Variants in CMSS1 observed in about 807,000 individuals in gnomAD.
CMSS1 encodes cms1 ribosomal small subunit homolog.
Under a neutral mutation model 43.5 loss-of-function variants are expected in CMSS1, and 33 were observed. The ratio of observed to expected loss-of-function variants is 0.76; its 90% CI spans 0.57 to 1.01. The LOEUF (loss-of-function observed/expected upper bound fraction) is 1.01, where lower values mean the gene tolerates loss of function less well. Ranked by LOEUF, CMSS1 falls within the 50% of genes least tolerant of loss-of-function variation. The probability of loss-of-function intolerance (pLI) is 0.00; values close to 1 mark genes in which losing one functional copy is unlikely to be tolerated. For synonymous variants in CMSS1, 115 were observed against 117.2 expected (o/e 0.98, Z 0.12); for missense variants, 313 against 326.4 (o/e 0.96, Z 0.32).
At chr3:99,851,610 G>A (rs1460237972) in intron 1 of CMSS1, among the ~76,000 whole-genome samples, 1 of 152,164 alleles carries the variant, frequency 6.6e-6, no homozygotes, top group East Asian at 1.9e-4. Flanking sequence ...TAAGCATTTG[G>A]TATTAGTTGT....
At chr3:100,063,895 T>C (rs1337787130) in intron 1 of CMSS1, among the ~76,000 whole-genome samples, 2 of 152,206 alleles carry the variant, frequency 1.3e-5, no homozygotes, top group Admixed American at 6.5e-5. Context: ...AAAAACCTAA[T>C]CAAATGTTAA....
At chr3:99,927,022 C>A (rs1707314631) in intron 1 of CMSS1, among the ~76,000 whole-genome samples, 1 of 152,186 alleles carries the variant, frequency 6.6e-6, no homozygotes, top group Non-Finnish European at 1.5e-5. Context: ...CCATCTGAAC[C>A]TCCTGCCACC....
At chr3:100,154,322 G>A (rs534661741) in intron 2 of CMSS1, among the ~76,000 whole-genome samples, 1 of 152,028 alleles carries the variant, frequency 6.6e-6, no homozygotes, top group East Asian at 1.9e-4. Flanking sequence ...TCACATCAGA[G>A]CAGAACATGT....
chr3:100,002,058 G>T (rs1369120815), intron 1 of CMSS1, among the ~76,000 whole-genome samples: 1 of 152,168 alleles, frequency 6.6e-6, no homozygotes, highest in African/African-American at 2.4e-5. Context: ...GTGTGTGACT[G>T]TTTGCAGCTC....
chr3:99,842,568 A>G (rs1178737400), intron 1 of CMSS1, among the ~76,000 whole-genome samples: 1 of 151,576 alleles, frequency 6.6e-6, no homozygotes, highest in Admixed American at 6.6e-5. Context: ...CCATTTGGCT[A>G]TGAGGAGGAA....
At chr3:100,041,535 T>A (rs962030685) in intron 1 of CMSS1, 5 of 152,130 alleles carry the variant, frequency 3.3e-5, no homozygotes, top group Admixed American at 3.3e-4. Context: ...GGTCAAATTT[T>A]CCATTACACA....
rs971217074 is a variant in CMSS1 at position 99,924,110 on chromosome 3, G to A, written c.64+106067G>A. ...CAAACATATCCTTTTCCTCACCCTG[G>A]ACTATGAGATCTTTGAGAACAGAGA... On this transcript the variant is annotated intron_variant, in intron 1 of 9. Transcript: ENST00000421999. 4.8e-6 allele frequency: 4 copies of A among 829,286 alleles called. No individual in the cohort carries two copies. The African/African-American group carries it at 5.1e-5, about 11-fold the overall frequency. The allele number at this position is 829,286 out of a possible 1,614,324, so 51.4% of individuals were successfully genotyped here.
At chr3:99,879,528 C>T (rs1283861197) in intron 1 of CMSS1, among the ~76,000 whole-genome samples, 1 of 152,122 alleles carries the variant, frequency 6.6e-6, no homozygotes, top group Admixed American at 6.5e-5. Flanking sequence ...GTCTTCTCTC[C>T]CTGCCTTTGT....
At chr3:99,961,408 A>G (rs1708486357) in intron 1 of CMSS1, among the ~76,000 whole-genome samples, 1 of 152,148 alleles carries the variant, frequency 6.6e-6, no homozygotes, top group African/African-American at 2.4e-5. Context: ...TGTATCTACA[A>G]TGACTCTTAT....
chr3:99,837,241 G>A (rs1216854925), intron 1 of CMSS1, among the ~76,000 whole-genome samples: 1 of 152,110 alleles, frequency 6.6e-6, no homozygotes, highest in African/African-American at 2.4e-5. Context: ...TTGCCCTAAA[G>A]GAATAACTAT....
chr3:99,853,937 T>C (rs1308998291), intron 1 of CMSS1, among the ~76,000 whole-genome samples: 1 of 152,210 alleles, frequency 6.6e-6, no homozygotes, highest in Non-Finnish European at 1.5e-5. Context: ...CAGGAGGCCC[T>C]GATGGAATCT....
At chr3:99,845,103 G>A (rs1450245862) in intron 1 of CMSS1, among the ~76,000 whole-genome samples, 2 of 152,154 alleles carry the variant, frequency 1.3e-5, no homozygotes, top group South Asian at 2.1e-4. Flanking sequence ...TACAAAGAGT[G>A]TATGTAATTT....
chr3:100,083,123 A>G (rs1300957657), intron 1 of CMSS1, among the ~76,000 whole-genome samples: 2 of 152,332 alleles, frequency 1.3e-5, no homozygotes, highest in East Asian at 3.9e-4. Flanking sequence ...AGGGTCAGAC[A>G]TATTGGCAGT....
chr3:99,845,077 A>G (rs1213927752), intron 1 of CMSS1, among the ~76,000 whole-genome samples: 1 of 152,204 alleles, frequency 6.6e-6, no homozygotes, highest in Non-Finnish European at 1.5e-5. Context: ...ATTGTAAAAT[A>G]TAGTTGTGGA....
chr3:100,027,373 A>T (rs2064944052), intron 1 of CMSS1, among the ~76,000 whole-genome samples: 1 of 152,160 alleles, frequency 6.6e-6, no homozygotes, highest in Non-Finnish European at 1.5e-5. Flanking sequence ...CTTAAAAACA[A>T]TTTTTTTAAC....
At chr3:99,989,674 A>G (rs1576624471) in intron 1 of CMSS1, among the ~76,000 whole-genome samples, 2 of 142,438 alleles carry the variant, frequency 1.4e-5, no homozygotes, top group Non-Finnish European at 3.1e-5. Flanking sequence ...CTATATATAT[A>G]TATATATATA....
intron 1 of CMSS1, among the ~76,000 whole-genome samples, chr3:99,971,761 G>A (rs1408339143): frequency 6.6e-6 from 1 of 152,162 alleles, no homozygotes; most frequent in East Asian, 1.9e-4. Flanking sequence ...TCTGAAAGGA[G>A]TCCTCTCCCT....
At chr3:100,114,991 G>A in intron 1 of CMSS1, 1 of 1,523,192 alleles carries the variant, frequency 6.6e-7, no homozygotes, top group Non-Finnish European at 8.8e-7. Context: ...ACATCGGAAT[G>A]CATGGTGGTA....
Position 99,874,024 on chromosome 3 carries a change from A to G in CMSS1, c.64+55981A>G, listed in dbSNP as rs908992062. On this transcript the variant is annotated intron_variant, in intron 1 of 9. Coordinates refer to ENST00000421999, the MANE Select transcript of CMSS1 (RefSeq NM_032359.4). ...TCATCCAAAGAGCCCAGTGTGAGAT[A>G]GGGTATCCATGATAAGTCATACTTA... is the stretch of plus-strand genomic sequence containing the variant. Among the ~76,000 whole-genome samples, 33 of 152,248 alleles carry G rather than the reference A, an allele frequency of 2.2e-4. 1 individual carries two copies. The highest frequency in any genetic ancestry group is 1.9e-3 in the Admixed American group (29 of 15,274).
Sources: gnomAD v4.1 joint callset for allele counts (sites outside exome capture counted in the v4.1 genomes callset) on GRCh38, gnomAD v4.1.1 for gene constraint, MANE v1.5 for transcripts, NCBI Gene and HGNC (gene_info 2026-07-23, HGNC 2026-07-21) for gene names.